ANKHD1: variants seen among roughly 807,000 people sequenced by gnomAD.
ANKHD1 encodes the protein ankyrin repeat and KH domain-containing protein 1.
ANKHD1 carries 31 observed loss-of-function variants against 230.5 expected under a neutral mutation model. The ratio of observed to expected loss-of-function variants is 0.13; its 90% CI spans 0.10 to 0.18. The LOEUF (loss-of-function observed/expected upper bound fraction) is 0.18. ANKHD1 is among the 10% of genes least tolerant of loss of function. ANKHD1 has a pLI of 1.00. For synonymous variants in ANKHD1, 1,074 were observed against 1,117.6 expected, an observed-to-expected ratio of 0.96 and a Z score of 0.78; for missense variants, 2,256 against 3,071.3, an observed-to-expected ratio of 0.73 and a Z score of 6.27.
chr5:140,460,371 T>C (rs1028987999), intron 9 of ANKHD1, among the ~76,000 whole-genome samples: 4 of 152,140 alleles, frequency 2.6e-5, no homozygotes, highest in Non-Finnish European at 5.9e-5. Context: ...AAATTTGATA[T>C]ATAGAAAAGT....
chr5:140,492,996 G>A (rs757518317), intron 14 of ANKHD1, among the ~76,000 whole-genome samples: 3 of 152,272 alleles, frequency 2.0e-5, no homozygotes, highest in Middle Eastern at 3.4e-3. Flanking sequence ...TTTTGTTAAT[G>A]GAGGGAAAGT....
At chr5:140,453,850 TTC>T (rs1165399817) in intron 7 of ANKHD1, among the ~76,000 whole-genome samples, 2 of 152,182 alleles carry the variant, frequency 1.3e-5, no homozygotes, top group African/African-American at 4.8e-5. Flanking sequence ...CAGGATCAAA[TTC>T]ACACATAACA....
intron 8 of ANKHD1, 120 bp downstream of exon 8, chr5:140,458,982 A>ATATG: frequency 2.9e-4 from 3 of 10,210 alleles, no homozygotes; most frequent in Non-Finnish European, 3.7e-4. Context: ...ATATATATGC[A>ATATG]TATATATATA....
chr5:140,510,298 A>G lies in ANKHD1; in HGVS notation c.4104+117A>G, dbSNP rs2127059121. 6 of 953,142 alleles carry G rather than the reference A, an allele frequency of 6.3e-6. No individual in the cohort carries two copies. The South Asian group carries it at 1.6e-4, about 26-fold the overall frequency. 59.0% of individuals were successfully genotyped at this position (953,142 alleles called of 1,614,324 possible). ...ATATTTCCATAGAAAAATCACTGCT[A>G]TCTTTCCATTCTTTTTTTTTTTTTT... On this transcript the variant is annotated intron_variant, in intron 22 of 33. Transcript: ENST00000360839.
chr5:140,481,400 T>C (rs1751269285), intron 10 of ANKHD1, among the ~76,000 whole-genome samples: 2 of 152,130 alleles, frequency 1.3e-5, no homozygotes, highest in South Asian at 4.1e-4. Context: ...AAAAGATTCT[T>C]ATTTAATTAA....
rs745395417 is a variant in ANKHD1 at position 140,535,396 on chromosome 5, A to G, written c.6885A>G (p.Pro2295=). ...LPSIDPSGSS[P]SSSSAPLASF... The stretch of plus-strand genomic sequence containing the variant: ...CCATTGACCCATCAGGCAGCTCCCC[A>G]TCTTCCTCTTCTGCTCCTCTGGCAA... The change falls in exon 30 of 34, where the codon CCA becomes CCG. Residue 2295 remains proline (P), a synonymous_variant. Transcript: ENST00000360839. 7.4e-6 allele frequency: 12 copies of G among 1,612,676 alleles called. No homozygotes were observed. In the East Asian group the frequency reaches 1.6e-4, roughly 21 times the overall value.
Position 140,441,045 on chromosome 5 carries a change from C to T in ANKHD1, c.816C>T (p.Asp272=), listed in dbSNP as rs972883548. 9.3e-6 allele frequency: 15 copies of T among 1,611,670 alleles called. No homozygotes were observed. Among genetic ancestry groups the T allele is most frequent in the African/African-American group, 6.7e-5 (5 of 74,756 alleles). Residue 272 remains aspartate, a synonymous_variant, in exon 5 of 34, where the codon GAC becomes GAT. Transcript: ENST00000360839. ...TTGAAGATCGAGGGAATAAAGGAGA[C>T]ATAACTCCCCTGATGGCAGCTTCCA... ...ANVEDRGNKG[D]ITPLMAASSG...
In ANKHD1 at chr5:140,402,019, T is replaced by C; in HGVS notation, c.52T>C (p.Ser18Pro). Reference sequence around the variant, plus strand: ...CACCTCCTTTGAGGAGGACCTGGACTCTGTGGCTCCGCGATCCGCCCCAGC... The same window carrying C: ...CACCTCCTTTGAGGAGGACCTGGACCCTGTGGCTCCGCGATCCGCCCCAGC... Reference protein sequence around the residue: ...GGTSFEEDLDSVAPRSAPAGA... With the variant: ...GGTSFEEDLDPVAPRSAPAGA... Residue 18 changes from serine to proline, a missense_variant, in exon 1 of 34, where the codon TCT (serine) becomes CCT (proline). This residue lies in a region of ANKHD1 where 193 missense variants were observed against 185.8 expected (regional missense o/e 1.04). Coordinates refer to ENST00000360839, the MANE Select transcript of ANKHD1 (RefSeq NM_017747.3). 6.6e-7 allele frequency: 1 copy of C among 1,511,724 alleles called. No individual in the cohort carries two copies. Among genetic ancestry groups the C allele is most frequent in the Non-Finnish European group, 8.8e-7 (1 of 1,136,632 alleles). The allele number at this position is 1,511,724 out of a possible 1,614,324, so 93.6% of individuals were successfully genotyped here. A position where few individuals can be genotyped will look rare whatever the true frequency, so the allele number is the denominator to read the frequency against.
rs1754197248 is a variant in ANKHD1 at position 140,539,079 on chromosome 5, A to G, written c.7565A>G (p.Gln2522Arg). 6.3e-7 allele frequency: 1 copy of G among 1,599,298 alleles called. No homozygotes were observed. The highest frequency in any genetic ancestry group is 8.5e-7 in the Non-Finnish European group (1 of 1,174,994). Residue 2522 changes from glutamine to arginine, a missense_variant, in exon 33 of 34, where the codon CAG becomes CGG. Coordinates refer to ENST00000360839, the MANE Select transcript of ANKHD1 (RefSeq NM_017747.3). ...AATTCAACTGAATGCACTGATGCCC[A>G]GCAGGTAAAATGGGCTTAATGCTCT... ...IQNSTECTDA[Q>R]QIWPGTWAPH...
chr5:140,533,571 C>T (rs560660493), intron 29 of ANKHD1, among the ~76,000 whole-genome samples: 1 of 152,058 alleles, frequency 6.6e-6, no homozygotes, highest in African/African-American at 2.4e-5. Flanking sequence ...TGGACTCCAG[C>T]CTCGGCAACA....
intron 24 of ANKHD1, among the ~76,000 whole-genome samples, chr5:140,520,785 G>T (rs1192274539): frequency 2.3e-5 from 3 of 133,010 alleles, no homozygotes; most frequent in Admixed American, 7.7e-5. Context: ...GTTGTGGGGT[G>T]GGGGGGAGGG....
In ANKHD1 at chr5:140,519,104, C is replaced by T. The variant is rs1312177389; in HGVS notation, c.4318-4962C>T. ...TCAGCAAAGTTTCAGGATACAAAAT[C>T]AATGTACAAAAATCACAAGCATTCT... On this transcript the variant is annotated intron_variant, in intron 24 of 33. Coordinates refer to ENST00000360839, the MANE Select transcript of ANKHD1 (RefSeq NM_017747.3). Among the ~76,000 whole-genome samples, 5 of 152,172 alleles carry T rather than the reference C, an allele frequency of 3.3e-5. No homozygotes were observed. The East Asian group carries it at 9.6e-4, about 29-fold the overall frequency.
intron 5 of ANKHD1, among the ~76,000 whole-genome samples, chr5:140,445,133 T>C (rs1774174533): frequency 6.6e-6 from 1 of 152,058 alleles, no homozygotes; most frequent in South Asian, 2.1e-4. Flanking sequence ...GTGCTGGGAT[T>C]ACAGGTGTGA....
intron 24 of ANKHD1, among the ~76,000 whole-genome samples, chr5:140,517,809 A>G (rs1363175260): frequency 2.0e-5 from 3 of 147,932 alleles, no homozygotes; most frequent in Non-Finnish European, 1.5e-5. Flanking sequence ...AGGGAAATTT[A>G]TAGCACTAAA....
intron 10 of ANKHD1, among the ~76,000 whole-genome samples, chr5:140,476,323 G>A (rs1750964396): frequency 6.6e-6 from 1 of 152,134 alleles, no homozygotes; most frequent in South Asian, 2.1e-4. Flanking sequence ...AATGTTTGAA[G>A]AGAATGGTGG....
intron 20 of ANKHD1, among the ~76,000 whole-genome samples, chr5:140,508,559 G>A (rs1752631640): frequency 6.6e-6 from 1 of 152,068 alleles, no homozygotes; most frequent in Non-Finnish European, 1.5e-5. Context: ...TTTGAGACCA[G>A]CCTGACCAAT....
At chr5:140,456,570 A>G (rs998446213) in intron 7 of ANKHD1, among the ~76,000 whole-genome samples, 45 of 152,186 alleles carry the variant, frequency 3.0e-4, no homozygotes, top group Admixed American at 3.9e-4. Flanking sequence ...ATCTACAACC[A>G]TCTGATCTTT....
chr5:140,486,993 T>G lies in ANKHD1; in HGVS notation c.2178T>G (p.Val726=). Residue 726 remains valine, a synonymous_variant, in exon 14 of 34, where the codon GTT becomes GTG. Coordinates refer to ENST00000360839, the MANE Select transcript of ANKHD1 (RefSeq NM_017747.3). The part of the protein sequence containing the change: ...PRVPTHTLAM[V]VPPQEPDRTS... ...TGCCAACGCATACACTTGCCATGGT[T>G]GTACCTCCCCAGGAACCTGACAGAA... The G allele has an allele frequency of 6.2e-7, 1 of 1,613,660 alleles. No homozygotes were observed. Among genetic ancestry groups the G allele is most frequent in the Non-Finnish European group, 8.5e-7 (1 of 1,179,660 alleles).
chr5:140,514,769 G>A (rs561099106), intron 24 of ANKHD1, among the ~76,000 whole-genome samples: 80 of 152,180 alleles, frequency 5.3e-4, no homozygotes, highest in African/African-American at 1.9e-3. Flanking sequence ...TCAGGAGTTC[G>A]AGACCAGGCT....
Sources: gnomAD v4.1 joint callset for allele counts (sites outside exome capture counted in the v4.1 genomes callset) on GRCh38, gnomAD v4.1.1 for gene constraint, gnomAD v4.1.1 regional missense constraint, MANE v1.5 for transcripts, NCBI Gene and HGNC (gene_info 2026-07-23, HGNC 2026-07-21) for gene names.